The following CYP4Z1 variants were observed in gnomAD, a reference collection of about 807,000 sequenced individuals.
CYP4Z1 encodes the protein cytochrome P450 family 4 subfamily Z member 1.
A neutral mutation model predicts 54.2 loss-of-function variants in CYP4Z1; 41 were observed. The ratio of observed to expected loss-of-function variants is 0.76; its 90% confidence interval spans 0.59 to 0.98. The LOEUF is 0.98. Ranked by LOEUF, CYP4Z1 falls within the 50% of genes least tolerant of loss-of-function variation. The pLI is 0.00. For missense variants in CYP4Z1, 513 were observed against 599.0 expected, an observed-to-expected ratio of 0.86 and a Z score of 1.50; for synonymous variants, 163 against 206.2, an observed-to-expected ratio of 0.79 and a Z score of 1.79.
chr1:47,090,357 C>G (rs1644630631), intron 6 of CYP4Z1, among the ~76,000 whole-genome samples: 1 of 152,200 alleles, frequency 6.6e-6, no homozygotes. Context: ...AATTTTATAA[C>G]CAGAGTTCCA....
At chr1:47,103,894 C>T (rs1644738508) in intron 8 of CYP4Z1, among the ~76,000 whole-genome samples, 1 of 120,212 alleles carries the variant, frequency 8.3e-6, no homozygotes, top group Admixed American at 8.2e-5. Flanking sequence ...CCACACCCAG[C>T]CTCAATATTT....
At chr1:47,057,680 T>G in the CYP4Z1 span, among the ~76,000 whole-genome samples, 1 of 151,788 alleles carries the variant, frequency 6.6e-6, no homozygotes, top group Non-Finnish European at 1.5e-5. Context: ...ACTGCTGAGA[T>G]TTCCTGTCTA....
At chr1:47,065,401 A>G (rs1353205752), upstream of CYP4Z1, among the ~76,000 whole-genome samples, 2 of 152,198 alleles carry the variant, frequency 1.3e-5, no homozygotes, top group African/African-American at 2.4e-5. Flanking sequence ...ATGAAAATAC[A>G]TGGAAAATAA....
intron 6 of CYP4Z1, among the ~76,000 whole-genome samples, chr1:47,091,630 C>T (rs1644638585): frequency 6.7e-6 from 1 of 149,622 alleles, no homozygotes; most frequent in African/African-American, 2.4e-5. Context: ...TACTGCTTAT[C>T]CTGCCTTATG....
chr1:47,063,938 A>G (rs935194026), upstream of CYP4Z1, among the ~76,000 whole-genome samples: 3 of 152,198 alleles, frequency 2.0e-5, no homozygotes, highest in African/African-American at 4.8e-5. Context: ...GCACATAGCC[A>G]TCAGGTTATC....
intron 9 of CYP4Z1, among the ~76,000 whole-genome samples, chr1:47,111,053 C>T (rs1644788865): frequency 6.6e-6 from 1 of 152,052 alleles, no homozygotes; most frequent in South Asian, 2.1e-4. Context: ...TAGGTCTTTA[C>T]CTCAGTCAGT....
At position 47,076,758 on chromosome 1, in the gene CYP4Z1, T is replaced by C. The variant is rs369996686; in HGVS notation, c.320-3865T>C. On this transcript the variant is annotated intron_variant, in intron 2 of 11. Coordinates refer to ENST00000334194, the MANE Select transcript of CYP4Z1 (RefSeq NM_178134.3). Reference sequence around the variant, plus strand: ...TACTTGAGAGGCTGAGGCAGGAGAATGGCGTGAACCCAGGAGGCGGACCTT... The same window carrying C: ...TACTTGAGAGGCTGAGGCAGGAGAACGGCGTGAACCCAGGAGGCGGACCTT... Among the ~76,000 whole-genome samples, 76 of 145,798 alleles carry C rather than the reference T, an allele frequency of 5.2e-4. 1 individual carries two copies. The highest frequency in any genetic ancestry group is 1.7e-3 in the African/African-American group (67 of 38,898).
At chr1:47,110,366 T>G (rs1342752837) in intron 9 of CYP4Z1, among the ~76,000 whole-genome samples, 2 of 147,378 alleles carry the variant, frequency 1.4e-5, no homozygotes, top group East Asian at 4.3e-4. Context: ...AAGCAGAAAC[T>G]CCTAAGAAAG....
intron 9 of CYP4Z1, among the ~76,000 whole-genome samples, chr1:47,110,374 A>C (rs184840785): frequency 1.4e-5 from 2 of 146,132 alleles, no homozygotes; most frequent in Non-Finnish European, 3.0e-5. Flanking sequence ...ACTCCTAAGA[A>C]AGACAATAAC....
intron 2 of CYP4Z1, among the ~76,000 whole-genome samples, chr1:47,074,312 C>T (rs1319518052): frequency 1.3e-5 from 2 of 148,876 alleles, no homozygotes; most frequent in African/African-American, 5.0e-5. Context: ...TCCTTCCTCC[C>T]CCACCCCAGT....
intron 6 of CYP4Z1, among the ~76,000 whole-genome samples, chr1:47,090,105 C>T (rs1644628613): frequency 6.6e-6 from 1 of 152,226 alleles, no homozygotes. Context: ...ATTTACCATA[C>T]AAAATCCTTT....
intron 11 of CYP4Z1, 148 bp from the exon 12 acceptor site, chr1:47,117,617 AT>A: frequency 1.2e-6 from 1 of 800,108 alleles, no homozygotes; most frequent in Non-Finnish European, 1.9e-6. Flanking sequence ...GCTGGGCATC[AT>A]GGTGAGCACC....
intron 9 of CYP4Z1, among the ~76,000 whole-genome samples, chr1:47,107,160 G>A (rs566960153): frequency 1.1e-4 from 17 of 152,264 alleles, no homozygotes; most frequent in African/African-American, 4.1e-4. Flanking sequence ...TGTTCCATAT[G>A]TTTTGCATGT....
At position 47,085,081 on chromosome 1, in the gene CYP4Z1, G is replaced by C; in HGVS notation, c.772+103G>C. ...GCTTCTACTATGGACATATGGCATG[G>C]TCATCATTCAGAAATGCTAATTTGT... On this transcript the variant is annotated intron_variant, in intron 6 of 11. Coordinates refer to ENST00000334194, the MANE Select transcript of CYP4Z1 (RefSeq NM_178134.3). 3 of 593,962 alleles carry C rather than the reference G, an allele frequency of 5.1e-6. No individual in the cohort carries two copies. In the South Asian group the frequency reaches 6.2e-5, roughly 12 times the overall value. The allele number at this position is 593,962 out of a possible 1,614,324, so 36.8% of individuals were successfully genotyped here. A position where few individuals can be genotyped will look rare whatever the true frequency, so the allele number is the denominator to read the frequency against.
In CYP4Z1 at chr1:47,068,646, G is replaced by A. The variant is rs1644468826; in HGVS notation, c.202G>A (p.Val68Met). 1.9e-6 allele frequency: 3 copies of A among 1,614,106 alleles called. No homozygotes were observed. Among genetic ancestry groups the A allele is most frequent in the Non-Finnish European group, 2.5e-6 (3 of 1,179,994 alleles). The change falls in exon 2 of 12, where the codon GTG (valine) becomes ATG (methionine). Residue 68 changes from valine to methionine, a missense_variant. Coordinates refer to ENST00000334194, the MANE Select transcript of CYP4Z1 (RefSeq NM_178134.3). ...KEFYPVKEFE[V>M]YHKLMEKYPC... is the part of the protein sequence containing the mutation. Reference sequence around the variant, plus strand: ...GTTTTACCCAGTAAAGGAGTTTGAGGTGTATCATAAGCTGATGGAAAAATA... The same window carrying A: ...GTTTTACCCAGTAAAGGAGTTTGAGATGTATCATAAGCTGATGGAAAAATA...
chr1:47,098,160 C>G (rs1216633376), intron 7 of CYP4Z1, among the ~76,000 whole-genome samples: 1 of 152,136 alleles, frequency 6.6e-6, no homozygotes, highest in Non-Finnish European at 1.5e-5. Flanking sequence ...TGAAGAATCT[C>G]AATAGTAGTT....
intron 3 of CYP4Z1, among the ~76,000 whole-genome samples, chr1:47,082,003 T>G (rs1284480148): frequency 6.7e-6 from 1 of 150,094 alleles, no homozygotes; most frequent in African/African-American, 2.5e-5. Context: ...AATTATTGGC[T>G]CTGAAGGATT....
intron 9 of CYP4Z1, among the ~76,000 whole-genome samples, chr1:47,112,718 C>CAAA (rs1644802441): frequency 6.6e-6 from 1 of 151,664 alleles, no homozygotes; most frequent in African/African-American, 2.4e-5. Flanking sequence ...CTGGGCAACA[C>CAAA]AAGACCCCAT....
upstream of CYP4Z1, among the ~76,000 whole-genome samples, chr1:47,064,146 G>A (rs958567555): frequency 2.0e-5 from 3 of 146,908 alleles, no homozygotes; most frequent in African/African-American, 7.6e-5. Flanking sequence ...GCAGTGGCGC[G>A]ATCCCAGCTC....
Sources: allele counts gnomAD v4.1 joint callset (sites outside exome capture counted in the v4.1 genomes callset), GRCh38; gene constraint gnomAD v4.1.1; transcripts MANE v1.5; gene names NCBI Gene and HGNC (gene_info 2026-07-23, HGNC 2026-07-21).